VPS13A: variants seen among roughly 807,000 people sequenced by gnomAD.
VPS13A encodes the protein vacuolar protein sorting 13 homolog A, also known as intermembrane lipid transfer protein VPS13A.
VPS13A carries 264 observed loss-of-function variants against 390.9 expected under a neutral mutation model. That is an observed-to-expected ratio of 0.68 (90% CI 0.61 to 0.75). The LOEUF (loss-of-function observed/expected upper bound fraction) is 0.75, where lower values mean the gene tolerates loss of function less well. Among genes scored for constraint, VPS13A ranks in the 30% least tolerant of loss-of-function variants. VPS13A has a pLI of 0.00. For missense variants in VPS13A, 3,409 were observed against 3,733.9 expected (o/e 0.91, Z 2.27); for synonymous variants, 1,231 against 1,227.1 (o/e 1.00, Z -0.07).
intron 59 of VPS13A, among the ~76,000 whole-genome samples, chr9:77,361,186 A>G (rs1411789515): frequency 6.6e-6 from 1 of 152,244 alleles, no homozygotes; most frequent in East Asian, 1.9e-4. Context: ...ATGACTTTTA[A>G]TGTATTCACA....
intron 17 of VPS13A, among the ~76,000 whole-genome samples, chr9:77,231,666 A>G (rs1340459232): frequency 6.6e-6 from 1 of 152,114 alleles, no homozygotes; most frequent in African/African-American, 2.4e-5. Flanking sequence ...TGTCACCGGT[A>G]CATGATTTGC....
intron 5 of VPS13A, among the ~76,000 whole-genome samples, chr9:77,208,891 T>G (rs1370492053): frequency 6.6e-6 from 1 of 152,206 alleles, no homozygotes; most frequent in Non-Finnish European, 1.5e-5. Flanking sequence ...TAATGGAACT[T>G]GAGATAGTTA....
chr9:77,200,062 C>A, intron 2 of VPS13A, 74 bp downstream of exon 2: 4 of 1,299,198 alleles, frequency 3.1e-6, no homozygotes, highest in South Asian at 2.7e-5. Context: ...TTCAGTTTGT[C>A]ACCTTAAATT....
At chr9:77,357,597 T>C in intron 55 of VPS13A, 95 bp from the exon 56 acceptor site, 1 of 1,238,676 alleles carries the variant, frequency 8.1e-7, no homozygotes. Context: ...TACAAATATG[T>C]AGCTTACTGT....
intron 23 of VPS13A, among the ~76,000 whole-genome samples, chr9:77,263,671 A>G (rs1825878535): frequency 6.6e-6 from 1 of 152,136 alleles, no homozygotes; most frequent in Non-Finnish European, 1.5e-5. Flanking sequence ...ATAGATTGCA[A>G]AAATTTTCTC....
intron 1 of VPS13A, among the ~76,000 whole-genome samples, chr9:77,199,397 A>C (rs943400012): frequency 2.6e-5 from 4 of 152,164 alleles, no homozygotes; most frequent in Non-Finnish European, 4.4e-5. Context: ...GTAACATCCT[A>C]ATGTTATAGC....
rs768141644 is a variant in VPS13A at position 77,295,792 on chromosome 9, C to A, written c.3758C>A (p.Pro1253His). The change falls in exon 33 of 72, where the codon CCC becomes CAC. Residue 1253 changes from proline (P) to histidine (H), a missense_variant. Around this residue, in one of 5 missense-constraint regions of VPS13A, gnomAD observed 2,717 missense variants for 2,917.4 expected, o/e 0.93. Coordinates refer to ENST00000360280, the MANE Select transcript of VPS13A (RefSeq NM_033305.3). Reference protein sequence around the residue: ...FHMITESQSSPPPVIDLITIK... With the variant: ...FHMITESQSSHPPVIDLITIK... ...ATGATAACAGAGAGCCAGAGCTCTC[C>A]CCCACCTGTTATTGATTTGATAACA... The A allele has an allele frequency of 6.2e-7, 1 of 1,613,906 alleles. No individual in the cohort carries two copies. Among genetic ancestry groups the A allele is most frequent in the Non-Finnish European group, 8.5e-7 (1 of 1,179,930 alleles).
At chr9:77,327,548 T>C (rs183441259) in intron 45 of VPS13A, among the ~76,000 whole-genome samples, 140 of 152,158 alleles carry the variant, frequency 9.2e-4, no homozygotes, top group African/African-American at 3.2e-3. Flanking sequence ...TGGTAAGATA[T>C]AGAAAGATTA....
At chr9:77,344,095 T>A in intron 50 of VPS13A, 58 bp from the exon 51 acceptor site, 2 of 1,404,936 alleles carry the variant, frequency 1.4e-6, no homozygotes, top group Non-Finnish European at 2.0e-6. Flanking sequence ...TTAAGATGAT[T>A]TATATATTTA....
Position 77,420,629 on chromosome 9 carries a change from G to A in VPS13A, c.*4623G>A, listed in dbSNP as rs1256557802. The A allele has an allele frequency of 1.3e-5, 2 of 152,046 alleles. No individual in the cohort carries two copies. Among genetic ancestry groups the A allele is most frequent in the Non-Finnish European group, 2.9e-5 (2 of 68,012 alleles). The allele number at this position is 152,046 out of a possible 1,614,324, so 9.4% of individuals were successfully genotyped here. On this transcript the variant is annotated 3_prime_UTR_variant, in exon 72 of 72. Coordinates refer to ENST00000360280, the MANE Select transcript of VPS13A (RefSeq NM_033305.3). ...TAGTTTAACACCTGCTATGATGATA[G>A]ATATCACACTGCTATGATAGAAAAT...
intron 10 of VPS13A, among the ~76,000 whole-genome samples, chr9:77,217,641 TTTC>T (rs1420019531): frequency 1.3e-5 from 2 of 152,200 alleles, no homozygotes; most frequent in African/African-American, 2.4e-5. Context: ...AAAATGTGAT[TTTC>T]TTCTTTTTTT....
chr9:77,411,099 T>C (rs947762577), intron 71 of VPS13A, among the ~76,000 whole-genome samples: 27 of 152,250 alleles, frequency 1.8e-4, no homozygotes, highest in Admixed American at 1.2e-3. Context: ...TCTCAGACCA[T>C]AGTGCAATCA....
At chr9:77,207,348 C>T (rs184182571) in intron 5 of VPS13A, among the ~76,000 whole-genome samples, 19 of 146,582 alleles carry the variant, frequency 1.3e-4, no homozygotes, top group East Asian at 4.0e-4. Flanking sequence ...AAACTCATCT[C>T]GTGTTTCATT....
rs2131259796 is a variant in VPS13A at position 77,247,371 on chromosome 9, T to G, written c.2013T>G (p.Leu671=). 6 of 1,612,528 alleles carry G rather than the reference T, an allele frequency of 3.7e-6. No individual in the cohort carries two copies. Among genetic ancestry groups the G allele is most frequent in the Admixed American group, 1.7e-5 (1 of 59,934 alleles). Reference sequence around the variant, plus strand: ...TTTTTAGTCCTACATCAAATCTGCTTCTTTTGGACCTTGGTCATCTAAAGG... The same window carrying G: ...TTTTTAGTCCTACATCAAATCTGCTGCTTTTGGACCTTGGTCATCTAAAGG... ...DGIFSPTSNL[L]LLDLGHLKVT... is the part of the protein sequence containing the mutation. Residue 671 remains leucine (L), a synonymous_variant, in exon 20 of 72, where the codon CTT becomes CTG. Transcript: ENST00000360280.
At chr9:77,243,553 A>G (rs1441936205) in intron 19 of VPS13A, among the ~76,000 whole-genome samples, 1 of 152,172 alleles carries the variant, frequency 6.6e-6, no homozygotes, top group East Asian at 1.9e-4. Flanking sequence ...CTGGCAGGAA[A>G]ACAGATGTGG....
At chr9:77,192,507 C>G (rs1824744899) in intron 1 of VPS13A, among the ~76,000 whole-genome samples, 1 of 152,052 alleles carries the variant, frequency 6.6e-6, no homozygotes, top group Non-Finnish European at 1.5e-5. Context: ...GTTAGTACTC[C>G]CTTAAGGACC....
chr9:77,271,122 TA>T (rs1182166877), intron 23 of VPS13A, among the ~76,000 whole-genome samples: 5 of 152,208 alleles, frequency 3.3e-5, no homozygotes, highest in Non-Finnish European at 5.9e-5. Flanking sequence ...AAAATATTTT[TA>T]CAAGTCCAGA....
At chr9:77,309,908 GA>G (rs951021082) in intron 35 of VPS13A, among the ~76,000 whole-genome samples, 1 of 151,076 alleles carries the variant, frequency 6.6e-6, no homozygotes, top group African/African-American at 2.4e-5. Flanking sequence ...CAGGGACTTA[GA>G]AAAAAAATGA....
At chr9:77,207,453 C>A (rs1288123132) in intron 5 of VPS13A, among the ~76,000 whole-genome samples, 2 of 149,784 alleles carry the variant, frequency 1.3e-5, no homozygotes, top group Non-Finnish European at 3.0e-5. Flanking sequence ...CCTATTTTTT[C>A]ATCTTCTCTA....
Sources: allele counts gnomAD v4.1 joint callset (sites outside exome capture counted in the v4.1 genomes callset), GRCh38; gene constraint gnomAD v4.1.1; regional missense constraint gnomAD v4.1.1; transcripts MANE v1.5; gene names NCBI Gene and HGNC (gene_info 2026-07-23, HGNC 2026-07-21).